The following ACOX3 variants were observed in gnomAD, a reference collection of about 807,000 sequenced individuals.
ACOX3 encodes the protein acyl-CoA oxidase 3, pristanoyl, also known as peroxisomal acyl-coenzyme A oxidase 3.
A neutral mutation model predicts 81.5 loss-of-function variants in ACOX3; 73 were observed. The ratio of observed to expected loss-of-function variants is 0.90; its 90% CI spans 0.74 to 1.09. ACOX3 has a LOEUF of 1.09. Among genes scored for constraint, ACOX3 ranks in the 50% least tolerant of loss-of-function variants. The pLI, the probability that ACOX3 is intolerant of heterozygous loss-of-function variation, is 0.00. For missense variants in ACOX3, 947 were observed against 928.0 expected (o/e 1.02, Z -0.27); for synonymous variants, 387 against 375.1 (o/e 1.03, Z -0.37).
intron 1 of ACOX3, among the ~76,000 whole-genome samples, chr4:8,429,543 ATTC>A (rs1027386423): frequency 6.6e-6 from 1 of 152,192 alleles, no homozygotes; most frequent in Non-Finnish European, 1.5e-5. Context: ...AGTTAATTGT[ATTC>A]TTGGATGTGC....
At chr4:8,372,011 T>A (rs1716278367) in intron 16 of ACOX3, among the ~76,000 whole-genome samples, 2 of 152,180 alleles carry the variant, frequency 1.3e-5, no homozygotes. Context: ...GACCTTGGCC[T>A]CCCCAAGACA....
chr4:8,421,798 C>A (rs561799328), intron 1 of ACOX3, among the ~76,000 whole-genome samples: 1 of 152,170 alleles, frequency 6.6e-6, no homozygotes, highest in African/African-American at 2.4e-5. Flanking sequence ...TTATGTGGGA[C>A]CTACCACCCT....
At chr4:8,387,770 G>A (rs1439854134) in intron 13 of ACOX3, among the ~76,000 whole-genome samples, 2 of 152,212 alleles carry the variant, frequency 1.3e-5, no homozygotes, top group African/African-American at 2.4e-5. Context: ...GGTCCCACAG[G>A]CTTGGGTTTG....
chr4:8,399,492 G>C lies in ACOX3; in HGVS notation c.873+64C>G, dbSNP rs564567837. The C allele has an allele frequency of 1.4e-6, 2 of 1,406,180 alleles. No individual in the cohort carries two copies. The highest frequency in any genetic ancestry group is 4.6e-5 in the East Asian group (2 of 43,598). The allele number at this position is 1,406,180 out of a possible 1,614,324, so 87.1% of individuals were successfully genotyped here. On this transcript the variant is annotated intron_variant, in intron 8 of 17. Transcript: ENST00000356406. This position sits in a 1 kb window ranked among gnomAD's most constrained non-coding sequence, Gnocchi z 4.9. ...TTCCAGGTGCAGGGAGGAGCACAGA[G>C]CCAGGCCCTGCAGAGGAAGGCACCT...
At chr4:8,397,737 C>T (rs1428705096) in intron 8 of ACOX3, among the ~76,000 whole-genome samples, 1 of 152,226 alleles carries the variant, frequency 6.6e-6, no homozygotes, top group East Asian at 1.9e-4. Flanking sequence ...TCCTTCCTGC[C>T]CTGCCCCGTG....
chr4:8,409,548 G>A (rs1446750216), intron 6 of ACOX3, among the ~76,000 whole-genome samples: 1 of 145,192 alleles, frequency 6.9e-6, no homozygotes, highest in African/African-American at 2.6e-5. Context: ...ACACTGTGGG[G>A]AGGGCTGTGG....
the ACOX3 span, chr4:8,356,390 G>T: frequency 2.6e-6 from 1 of 390,654 alleles, no homozygotes. Context: ...CTCACGCACA[G>T]TGATGCATGT....
At position 8,392,417 on chromosome 4, in the gene ACOX3, C is replaced by T; in HGVS notation, c.1216G>A (p.Ala406Thr). The change falls in exon 11 of 18, where the codon GCC becomes ACC. Residue 406 changes from alanine to threonine, a missense_variant. Coordinates refer to ENST00000356406, the MANE Select transcript of ACOX3 (RefSeq NM_003501.3). The part of the protein sequence containing the change: ...LGREIHALAS[A>T]SKPLASWTTQ... ...GTCCACGAGGCCAGGGGCTTGCTGG[C>T]CGATGCCAGGGCGTGGATCTCACGT... 1 of 1,608,336 alleles carries T rather than the reference C, an allele frequency of 6.2e-7. No homozygotes were observed. Among genetic ancestry groups the T allele is most frequent in the Non-Finnish European group, 8.5e-7 (1 of 1,177,936 alleles).
At position 8,384,760 on chromosome 4, in the gene ACOX3, C is replaced by T. The variant is rs997829899; in HGVS notation, c.1538-3153G>A. Among the ~76,000 whole-genome samples the T allele has an allele frequency of 2.6e-5, 4 of 152,172 alleles. No individual in the cohort carries two copies. The highest frequency in any genetic ancestry group is 2.1e-4 in the South Asian group (1 of 4,830). ...CGTCAGCATCAGAGCACTCCTAACTCGGATTCTGACCCAGGCAAGCCCTGG... is the reference window on the plus strand; with the variant it reads ...CGTCAGCATCAGAGCACTCCTAACTTGGATTCTGACCCAGGCAAGCCCTGG... On this transcript the variant is annotated intron_variant, in intron 13 of 17. Transcript: ENST00000356406. The surrounding 1 kb of genome is among the most constrained non-coding windows in gnomAD (Gnocchi z 5.3).
At position 8,437,541 on chromosome 4, in the gene ACOX3, A is replaced by G. The variant is rs1724328770; in HGVS notation, c.-15+3107T>C. On this transcript the variant is annotated intron_variant, in intron 1 of 17. Transcript: ENST00000356406. This position sits in a 1 kb window ranked among gnomAD's most constrained non-coding sequence, Gnocchi z 5.2. ...GCAGGAGAACTCAGGAAGGAAAAAG[A>G]AAAACAAAGACTTAAGGAAAAAGGC... Among the ~76,000 whole-genome samples the G allele has an allele frequency of 6.6e-6, 1 of 152,250 alleles. No individual in the cohort carries two copies. Among genetic ancestry groups the G allele is most frequent in the Non-Finnish European group, 1.5e-5 (1 of 68,048 alleles).
At chr4:8,367,463 A>G (rs2108775246) in intron 17 of ACOX3, among the ~76,000 whole-genome samples, 1 of 152,304 alleles carries the variant, frequency 6.6e-6, no homozygotes, top group African/African-American at 2.4e-5. Context: ...AGCCTGGGCA[A>G]CAAGAGCAAA....
intron 1 of ACOX3, chr4:8,428,235 G>A (rs964236974): frequency 9.9e-6 from 1 of 101,100 alleles, no homozygotes; most frequent in Non-Finnish European, 2.0e-5. Context: ...CCACACCCCC[G>A]GGCCTGGCAC....
chr4:8,391,511 ATTAT>A (rs1252126235), intron 11 of ACOX3, among the ~76,000 whole-genome samples: 1 of 152,230 alleles, frequency 6.6e-6, no homozygotes, highest in Non-Finnish European at 1.5e-5. Context: ...TTGCCAGTTA[ATTAT>A]TTAAGATTAG....
chr4:8,432,819 A>T lies in ACOX3; in HGVS notation c.-15+7829T>A, dbSNP rs1724030079. Among the ~76,000 whole-genome samples the T allele has an allele frequency of 6.6e-6, 1 of 152,246 alleles. No individual in the cohort carries two copies. Among genetic ancestry groups the T allele is most frequent in the Non-Finnish European group, 1.5e-5 (1 of 68,044 alleles). The stretch of plus-strand genomic sequence containing the variant: ...AGAATGGAGGGGCTTTAAGGGTCCC[A>T]GGTGAGTGTCTCTAGTGCTGCATTG... On this transcript the variant is annotated intron_variant, in intron 1 of 17. Coordinates refer to ENST00000356406, the MANE Select transcript of ACOX3 (RefSeq NM_003501.3). The surrounding 1 kb of genome is among the most constrained non-coding windows in gnomAD (Gnocchi z 6.2).
Position 8,416,552 on chromosome 4 carries a change from A to G in ACOX3, c.-14-17T>C, listed in dbSNP as rs1035723280. On this transcript the variant is annotated splice_polypyrimidine_tract_variant and intron_variant, in intron 1 of 17. Coordinates refer to ENST00000356406, the MANE Select transcript of ACOX3 (RefSeq NM_003501.3). The surrounding 1 kb of genome is among the most constrained non-coding windows in gnomAD (Gnocchi z 4.2). ...GATAAGAGCCTGCACAAAACATGCAACCTGAATCCATGCTCTCCCATCTAT... is the reference window on the plus strand; with the variant it reads ...GATAAGAGCCTGCACAAAACATGCAGCCTGAATCCATGCTCTCCCATCTAT... The G allele has an allele frequency of 1.2e-5, 18 of 1,558,716 alleles. No homozygotes were observed. Among genetic ancestry groups the G allele is most frequent in the South Asian group, 4.8e-5 (4 of 82,780 alleles).
chr4:8,392,423 C>T lies in ACOX3; in HGVS notation c.1210G>A (p.Ala404Thr), dbSNP rs757360946. The change falls in exon 11 of 18, where the codon GCA (alanine) becomes ACA (threonine). Residue 404 changes from alanine (A) to threonine (T), a missense_variant. By Grantham distance (58) the Ala-to-Thr change is moderately conservative. Coordinates refer to ENST00000356406, the MANE Select transcript of ACOX3 (RefSeq NM_003501.3). The stretch of plus-strand genomic sequence containing the variant: ...GAGGCCAGGGGCTTGCTGGCCGATG[C>T]CAGGGCGTGGATCTCACGTCCAAGC... ...AELGREIHALASASKPLASWT... is the reference protein window; with the variant it reads ...AELGREIHALTSASKPLASWT... The T allele has an allele frequency of 6.2e-7, 1 of 1,606,926 alleles. No individual in the cohort carries two copies. The highest frequency in any genetic ancestry group is 8.5e-7 in the Non-Finnish European group (1 of 1,177,378).
At position 8,394,751 on chromosome 4, in the gene ACOX3, G is replaced by T; in HGVS notation, c.1057-9C>A. Reference sequence around the variant, plus strand: ...GGAAGCAAGCGCCATTGCTAGAACAGACAAGACACCTGCGTGAACACATCG... The same window carrying T: ...GGAAGCAAGCGCCATTGCTAGAACATACAAGACACCTGCGTGAACACATCG... On this transcript the variant is annotated splice_polypyrimidine_tract_variant and intron_variant, in intron 9 of 17. Coordinates refer to ENST00000356406, the MANE Select transcript of ACOX3 (RefSeq NM_003501.3). The surrounding 1 kb of genome is among the most constrained non-coding windows in gnomAD (Gnocchi z 5.9). 6.2e-7 allele frequency: 1 copy of T among 1,612,060 alleles called. No homozygotes were observed. The highest frequency in any genetic ancestry group is 1.1e-5 in the South Asian group (1 of 90,890).
chr4:8,412,064 T>C (rs1451896970), intron 5 of ACOX3, among the ~76,000 whole-genome samples: 1 of 152,192 alleles, frequency 6.6e-6, no homozygotes, highest in Non-Finnish European at 1.5e-5. Flanking sequence ...CTGTTGTCCA[T>C]CTGCCTGTCA....
chr4:8,377,390 C>G (rs1717103196), intron 14 of ACOX3, among the ~76,000 whole-genome samples: 1 of 152,234 alleles, frequency 6.6e-6, no homozygotes, highest in African/African-American at 2.4e-5. Context: ...AAGACAGCCC[C>G]TCCTGGAACC....
Sources: allele counts gnomAD v4.1 joint callset (sites outside exome capture counted in the v4.1 genomes callset), GRCh38; gene constraint gnomAD v4.1.1; non-coding constraint Gnocchi (gnomAD v3.1); transcripts MANE v1.5; gene names NCBI Gene and HGNC (gene_info 2026-07-23, HGNC 2026-07-21).